DMD: variants seen among roughly 807,000 people sequenced by gnomAD.
DMD encodes dystrophin, also known as mutant dystrophin.
In DMD, 63 loss-of-function variants were observed where a neutral mutation model predicts 330.1. The ratio of observed to expected loss-of-function variants is 0.19; its 90% confidence interval spans 0.16 to 0.24. DMD has a LOEUF of 0.24. DMD is among the 10% of genes least tolerant of loss of function. DMD has a pLI of 1.00. For missense variants in DMD, 3,344 were observed against 2,684.1 expected (o/e 1.25, Z -5.43); for synonymous variants, 1,223 against 959.8 (o/e 1.27, Z -5.07).
At chrX:32,064,553 C>G (rs188171307) in intron 44 of DMD, among the ~76,000 whole-genome samples, 1 of 111,580 alleles carries the variant, frequency 9.0e-6, no homozygotes, top group Non-Finnish European at 1.9e-5. Context: ...TGTCCTACTT[C>G]TCTTCCATTG....
intron 1 of DMD, among the ~76,000 whole-genome samples, chrX:33,285,726 G>A (rs2053422098): frequency 8.9e-6 from 1 of 111,871 alleles, no homozygotes; most frequent in African/African-American, 3.2e-5. Context: ...GGAACAAACA[G>A]ATGCACTTCC....
chrX:33,152,559 G>A (rs1373917526), intron 1 of DMD, among the ~76,000 whole-genome samples: 1 of 109,336 alleles, frequency 9.1e-6, no homozygotes, highest in Admixed American at 9.9e-5. Flanking sequence ...TTCAGGATAC[G>A]TTGCATTTAT....
chrX:32,518,352 C>T (rs866138984), intron 17 of DMD, among the ~76,000 whole-genome samples: 9 of 110,396 alleles, frequency 8.2e-5, no homozygotes, highest in African/African-American at 6.6e-5. Context: ...ATTTTATTCA[C>T]CTCAATGTAA....
At chrX:31,774,213 G>T (rs1278712118) in intron 50 of DMD, 21 bp from the exon 51 acceptor site, 25 of 1,124,372 alleles carry the variant, frequency 2.2e-5, no homozygotes, top group Non-Finnish European at 3.0e-5. Context: ...TTGGGTTTTT[G>T]CAAAAAGGAA....
rs1166046313 is a variant in DMD, at chrX:32,488,034, AG to A, written c.2623-2936del. On this transcript the variant is annotated intron_variant, in intron 20 of 78. Coordinates refer to ENST00000357033, the MANE Select transcript of DMD (RefSeq NM_004006.3). ...TGGAGGGCTGCCATTTTTCCCGTTC[AG>A]GGGGCTATAGAAAGAGCCAACATTA... 2.7e-3 allele frequency among the ~76,000 whole-genome samples: 273 copies of A among 100,992 alleles called. 3 individuals are homozygous for A. Among genetic ancestry groups the A allele is most frequent in the African/African-American group, 9.2e-3 (229 of 24,777 alleles). The allele number at this position is 100,992 out of a possible 115,157, so 87.7% of individuals were successfully genotyped here.
chrX:32,643,417 A>C lies in DMD; in HGVS notation c.1331+715T>G, dbSNP rs1305806730. 3.6e-5 allele frequency among the ~76,000 whole-genome samples: 4 copies of C among 110,002 alleles called. No individual in the cohort carries two copies. In the East Asian group the frequency reaches 1.1e-3, roughly 31 times the overall value. On this transcript the variant is annotated intron_variant, in intron 11 of 78. Transcript: ENST00000357033. ...GCATTTGGACAATTTTTTTCACTTAATGTATTCAAATCCACAGTTGGCACT... is the reference window on the plus strand; with the variant it reads ...GCATTTGGACAATTTTTTTCACTTACTGTATTCAAATCCACAGTTGGCACT...
At chrX:33,285,239 T>C (rs188880297) in intron 1 of DMD, among the ~76,000 whole-genome samples, 94 of 111,976 alleles carry the variant, frequency 8.4e-4, no homozygotes, top group Non-Finnish European at 1.4e-3. Flanking sequence ...TGTAATATAA[T>C]GAACCAGTCA....
chrX:31,178,822 G>T lies in DMD; in HGVS notation c.10087-17C>A, dbSNP rs745874317. The T allele has an allele frequency of 6.6e-6, 8 of 1,206,357 alleles. No individual in the cohort carries two copies. The highest frequency in any genetic ancestry group is 9.0e-6 in the Non-Finnish European group (8 of 892,465). Reference sequence around the variant, plus strand: ...TGATGTAGTCTAAAAGGGAGATCATGGTGAGATCAGATTTAGGACAGGATG... The same window carrying T: ...TGATGTAGTCTAAAAGGGAGATCATTGTGAGATCAGATTTAGGACAGGATG... On this transcript the variant is annotated splice_polypyrimidine_tract_variant and intron_variant, in intron 69 of 78. Coordinates refer to ENST00000357033, the MANE Select transcript of DMD (RefSeq NM_004006.3).
chrX:32,407,179 T>G (rs1435469010), intron 30 of DMD, among the ~76,000 whole-genome samples: 1 of 110,470 alleles, frequency 9.1e-6, no homozygotes, highest in Non-Finnish European at 1.9e-5. Flanking sequence ...ACCATCAGAG[T>G]GAACAGGCAA....
At chrX:32,331,497 CAT>C (rs1457993289) in intron 41 of DMD, among the ~76,000 whole-genome samples, 1 of 111,251 alleles carries the variant, frequency 9.0e-6, no homozygotes, top group Non-Finnish European at 1.9e-5. Flanking sequence ...ATATATTAAT[CAT>C]AGATTTTGCA....
At chrX:32,686,224 A>T (rs1000539166) in intron 9 of DMD, among the ~76,000 whole-genome samples, 7 of 111,808 alleles carry the variant, frequency 6.3e-5, no homozygotes, top group Non-Finnish European at 1.1e-4. Flanking sequence ...GCAGGGATTA[A>T]AATTAGGCAT....
chrX:32,755,218 T>C (rs776371219), intron 7 of DMD, among the ~76,000 whole-genome samples: 1 of 110,432 alleles, frequency 9.1e-6, no homozygotes, highest in African/African-American at 3.3e-5. Context: ...TTTTTTTTTG[T>C]ATGGGTGAAT....
At chrX:31,326,323 GA>G (rs909062531) in intron 61 of DMD, among the ~76,000 whole-genome samples, 44 of 110,889 alleles carry the variant, frequency 4.0e-4, no homozygotes, top group African/African-American at 1.4e-3. Flanking sequence ...TATTTTTAAA[GA>G]ATTTTAAAAA....
chrX:31,402,021 A>C (rs1368328585), intron 60 of DMD, among the ~76,000 whole-genome samples: 1 of 111,756 alleles, frequency 8.9e-6, no homozygotes, highest in African/African-American at 3.3e-5. Context: ...CATTTTATAG[A>C]TGGAAAATAG....
intron 2 of DMD, among the ~76,000 whole-genome samples, chrX:32,869,027 GAC>G (rs2082741891): frequency 9.0e-6 from 1 of 111,574 alleles, no homozygotes; most frequent in African/African-American, 3.3e-5. Context: ...GACCCTCAGG[GAC>G]AGAGATACTA....
intron 1 of DMD, among the ~76,000 whole-genome samples, chrX:33,068,056 C>T (rs923930027): frequency 1.3e-4 from 14 of 111,622 alleles, no homozygotes; most frequent in Non-Finnish European, 1.3e-4. Context: ...TATTTCAGTA[C>T]ATATATTTTG....
chrX:32,790,559 C>T (rs751317365), intron 7 of DMD, among the ~76,000 whole-genome samples: 3 of 111,613 alleles, frequency 2.7e-5, no homozygotes, highest in African/African-American at 9.8e-5. Context: ...TGACCTAGGA[C>T]TAAAAATCTT....
At chrX:31,697,061 C>A (rs5972432) in intron 52 of DMD, among the ~76,000 whole-genome samples, 2 of 111,921 alleles carry the variant, frequency 1.8e-5, no homozygotes, top group East Asian at 2.8e-4. Context: ...ATCATCAGAG[C>A]GAAGCTGTTA....
chrX:32,787,205 CTCTG>C (rs1242869593), intron 7 of DMD, among the ~76,000 whole-genome samples: 1 of 99,812 alleles, frequency 1.0e-5, no homozygotes, highest in East Asian at 3.1e-4. Context: ...GAATCAATCT[CTCTG>C]TCAAGTGTGT....
Sources: gnomAD v4.1 joint callset for allele counts (sites outside exome capture counted in the v4.1 genomes callset) on GRCh38, gnomAD v4.1.1 for gene constraint, MANE v1.5 for transcripts, NCBI Gene and HGNC (gene_info 2026-07-23, HGNC 2026-07-21) for gene names.